IQSEC3: variants seen among roughly 807,000 people sequenced by gnomAD.
The protein encoded by IQSEC3 is IQ motif and SEC7 domain-containing protein 3.
IQSEC3 carries 50 observed loss-of-function variants against 105.4 expected under a neutral mutation model. The observed-to-expected ratio is 0.47, with a 90% CI of 0.38 to 0.60. IQSEC3 has a LOEUF of 0.60. IQSEC3 is among the 20% of genes least tolerant of loss of function. IQSEC3 has a pLI of 0.00. For missense variants in IQSEC3, 1,415 were observed against 1,630.0 expected (o/e 0.87, Z 2.27); for synonymous variants, 708 against 746.0 (o/e 0.95, Z 0.83).
intron 2 of IQSEC3, among the ~76,000 whole-genome samples, chr12:107,632 G>A (rs559125364): frequency 2.4e-4 from 36 of 151,738 alleles, no homozygotes; most frequent in Admixed American, 4.6e-4. Flanking sequence ...GGATGGTCTC[G>A]ATCTCCTGAC....
At chr12:99,055 C>A in intron 1 of IQSEC3, 91 bp from the exon 2 acceptor site, 1 of 1,220,390 alleles carries the variant, frequency 8.2e-7, no homozygotes, top group Non-Finnish European at 1.1e-6. Context: ...GTAGGAGCAG[C>A]AAGATTTCAG....
chr12:114,821 C>T (rs1474950392), intron 2 of IQSEC3, among the ~76,000 whole-genome samples: 2 of 152,226 alleles, frequency 1.3e-5, no homozygotes, highest in East Asian at 1.9e-4. Flanking sequence ...TGGGGTATTC[C>T]CCATGCCAGG....
chr12:102,230 C>A (rs1591653546), intron 2 of IQSEC3, among the ~76,000 whole-genome samples: 1 of 151,900 alleles, frequency 6.6e-6, no homozygotes, highest in Non-Finnish European at 1.5e-5. Flanking sequence ...CCTCCCCTGT[C>A]AGTCAGTCTG....
At chr12:98,024 G>A (rs1864293759) in intron 1 of IQSEC3, among the ~76,000 whole-genome samples, 1 of 152,128 alleles carries the variant, frequency 6.6e-6, no homozygotes, top group South Asian at 2.1e-4. Context: ...TAGGCTTCCA[G>A]TAAAGATTTG....
rs782435800 is a variant in IQSEC3, at chr12:125,882, C to T, written c.873C>T (p.Tyr291=). ...CCCACGCCCCTGCCGCCTCCGATTACGAACTCTCCCTTGACCTAAAGAATA... is the reference window on the plus strand; with the variant it reads ...CCCACGCCCCTGCCGCCTCCGATTATGAACTCTCCCTTGACCTAAAGAATA... The part of the protein sequence containing the change: ...LCPHAPAASD[Y]ELSLDLKNKQ... The change falls in exon 3 of 14, where the codon TAC becomes TAT. Residue 291 remains tyrosine (Y), a synonymous_variant. Transcript: ENST00000538872. The T allele has an allele frequency of 4.8e-5, 73 of 1,533,666 alleles. No individual in the cohort carries two copies. The highest frequency in any genetic ancestry group is 4.1e-4 in the Middle Eastern group (2 of 4,886).
chr12:133,413 G>A (rs1865660156), intron 3 of IQSEC3, among the ~76,000 whole-genome samples: 1 of 152,268 alleles, frequency 6.6e-6, no homozygotes, highest in African/African-American at 2.4e-5. Context: ...ACTGAGTCAT[G>A]AGCACTGGGG....
chr12:121,504 C>G (rs1343239424), intron 2 of IQSEC3, among the ~76,000 whole-genome samples: 1 of 152,186 alleles, frequency 6.6e-6, no homozygotes, highest in African/African-American at 2.4e-5. Flanking sequence ...ACCCAGGAAT[C>G]CCCACATCAT....
intron 2 of IQSEC3, among the ~76,000 whole-genome samples, chr12:117,732 A>G (rs538501453): frequency 1.3e-5 from 2 of 152,256 alleles, no homozygotes; most frequent in East Asian, 1.9e-4. Flanking sequence ...GGCAACAAGG[A>G]GAGGAAGAAC....
chr12:165,462 G>A lies in IQSEC3; in HGVS notation c.2738G>A (p.Ser913Asn). Residue 913 changes from serine to asparagine, a missense_variant, in exon 10 of 14, where the codon AGC becomes AAC. Transcript: ENST00000538872. The part of the protein sequence containing the change: ...VILKLCPKKK[S>N]SSTYTFCKSV... ...CTCAAACTTTGCCCGAAGAAGAAGA[G>A]CTCCTCCACGTACACCTTTTGCAAG... 6.2e-7 allele frequency: 1 copy of A among 1,614,144 alleles called. No homozygotes were observed. The highest frequency in any genetic ancestry group is 8.5e-7 in the Non-Finnish European group (1 of 1,180,010).
At position 163,509 on chromosome 12, in the gene IQSEC3, C is replaced by T; in HGVS notation, c.2599C>T (p.His867Tyr). 3.7e-6 allele frequency: 6 copies of T among 1,609,384 alleles called. No homozygotes were observed. Among genetic ancestry groups the T allele is most frequent in the Non-Finnish European group, 3.4e-6 (4 of 1,178,058 alleles). ...CCGCGTGCAGGTGCTGTCCGTGCCC[C>T]ACCGCCGCCTGGTGTGCTGCAGCCG... ...VGMKTVLSVP[H>Y]RRLVCCSRLF... Residue 867 changes from histidine to tyrosine, a missense_variant, in exon 9 of 14, where the codon CAC (histidine) becomes TAC (tyrosine). Physicochemically the swap from His to Tyr is moderately conservative, Grantham distance 83. Around this residue, in one of 6 missense-constraint regions of IQSEC3, gnomAD observed 419 missense variants for 436.2 expected, o/e 0.96. Coordinates refer to ENST00000538872, the MANE Select transcript of IQSEC3 (RefSeq NM_001170738.2).
intron 3 of IQSEC3, among the ~76,000 whole-genome samples, chr12:133,693 G>C (rs967168219): frequency 6.6e-6 from 1 of 151,902 alleles, no homozygotes; most frequent in South Asian, 2.1e-4. Flanking sequence ...GGGCAGGGTT[G>C]GGTCAGTATC....
chr12:122,018 C>T (rs183074918), intron 2 of IQSEC3, among the ~76,000 whole-genome samples: 117 of 152,344 alleles, frequency 7.7e-4, no homozygotes, highest in African/African-American at 2.4e-3. Flanking sequence ...AACATTGCCA[C>T]GTTGAGAACA....
chr12:170,904 C>T (rs1044705222), intron 12 of IQSEC3, among the ~76,000 whole-genome samples: 33 of 152,362 alleles, frequency 2.2e-4, no homozygotes, highest in African/African-American at 7.7e-4. Context: ...CGGCAGCGAT[C>T]TTCTAGTCTG....
At chr12:146,387 A>G (rs1457391310) in intron 5 of IQSEC3, among the ~76,000 whole-genome samples, 1 of 152,258 alleles carries the variant, frequency 6.6e-6, no homozygotes, top group East Asian at 1.9e-4. Flanking sequence ...AGGCCAAGGC[A>G]TCAGAATCAC....
chr12:108,196 C>G lies in IQSEC3; in HGVS notation c.623+8982C>G, dbSNP rs150770845. Among the ~76,000 whole-genome samples, 74 of 152,348 alleles carry G rather than the reference C, an allele frequency of 4.9e-4. No individual in the cohort carries two copies. The East Asian group carries it at 9.1e-3, about 19-fold the overall frequency. ...GGCTACCTCTGCTGGAAGCAGGAGG[C>G]TTTTTAAAACTTGTTTGACCAGTTT... On this transcript the variant is annotated intron_variant, in intron 2 of 13. Transcript: ENST00000538872.
intron 1 of IQSEC3, among the ~76,000 whole-genome samples, chr12:72,572 C>G (rs1555067796): frequency 7.7e-6 from 1 of 130,650 alleles, no homozygotes; most frequent in African/African-American, 2.6e-5. Flanking sequence ...CCAGCAGACT[C>G]TCAGAGGTGA....
intron 1 of IQSEC3, among the ~76,000 whole-genome samples, chr12:81,197 G>A (rs552263088): frequency 1.3e-5 from 2 of 152,186 alleles, no homozygotes; most frequent in Admixed American, 6.5e-5. Context: ...CCTGCAGTGT[G>A]TGGGACAGAC....
intron 1 of IQSEC3, among the ~76,000 whole-genome samples, chr12:88,669 C>T (rs532548449): frequency 3.9e-5 from 6 of 152,286 alleles, no homozygotes; most frequent in Non-Finnish European, 7.4e-5. Flanking sequence ...TCTGGAACAG[C>T]TGTAACTGCT....
intron 1 of IQSEC3, among the ~76,000 whole-genome samples, chr12:76,456 T>C (rs1863532621): frequency 6.6e-6 from 1 of 152,244 alleles, no homozygotes; most frequent in Non-Finnish European, 1.5e-5. Context: ...TAAAGATGCA[T>C]AGGCTTCACA....
Sources: allele counts gnomAD v4.1 joint callset (sites outside exome capture counted in the v4.1 genomes callset), GRCh38; gene constraint gnomAD v4.1.1; regional missense constraint gnomAD v4.1.1; transcripts MANE v1.5; gene names NCBI Gene and HGNC (gene_info 2026-07-23, HGNC 2026-07-21).